The following ZFAND3 variants were observed in gnomAD, a reference collection of about 807,000 sequenced individuals.
The protein encoded by ZFAND3 is zinc finger AN1-type containing 3.
A neutral mutation model predicts 29.6 loss-of-function variants in ZFAND3; 10 were observed. That is an observed-to-expected ratio of 0.34 (90% CI 0.21 to 0.57). The LOEUF is 0.57. Among genes scored for constraint, ZFAND3 ranks in the 20% least tolerant of loss-of-function variants. The pLI, the probability that ZFAND3 is intolerant of heterozygous loss-of-function variation, is 0.86. For missense variants in ZFAND3, 230 were observed against 304.5 expected, an observed-to-expected ratio of 0.76 and a Z score of 1.82; for synonymous variants, 128 against 112.6, an observed-to-expected ratio of 1.14 and a Z score of -0.87.
intron 1 of ZFAND3, among the ~76,000 whole-genome samples, chr6:37,914,214 A>T (rs148400530): frequency 6.6e-6 from 1 of 151,538 alleles, no homozygotes; most frequent in Admixed American, 6.6e-5. Flanking sequence ...TTTGAAAGGA[A>T]TTTTTTTTTC....
chr6:37,955,773 C>G (rs1361420899), intron 2 of ZFAND3, among the ~76,000 whole-genome samples: 1 of 152,112 alleles, frequency 6.6e-6, no homozygotes, highest in Non-Finnish European at 1.5e-5. Context: ...GGGCAAATCA[C>G]CAGTATAAAG....
intron 5 of ZFAND3, chr6:38,142,402 G>A: frequency 8.5e-6 from 4 of 468,856 alleles, no homozygotes; most frequent in South Asian, 6.2e-5. Context: ...CAGCTCCCTG[G>A]TGAGCCATGT....
At chr6:38,006,202 G>C (rs1190201601) in intron 2 of ZFAND3, among the ~76,000 whole-genome samples, 1 of 152,090 alleles carries the variant, frequency 6.6e-6, no homozygotes, top group African/African-American at 2.4e-5. Flanking sequence ...CTTTTTTGTG[G>C]GGAAGGAGTT....
intron 2 of ZFAND3, among the ~76,000 whole-genome samples, chr6:38,007,405 G>T (rs71569402): frequency 3.5e-4 from 53 of 151,946 alleles, no homozygotes; most frequent in African/African-American, 1.2e-3. Context: ...AATTTGTCCG[G>T]CATGATGGTA....
intron 2 of ZFAND3, among the ~76,000 whole-genome samples, chr6:37,966,553 C>G (rs1274710534): frequency 2.0e-5 from 3 of 151,874 alleles, no homozygotes; most frequent in South Asian, 2.1e-4. Flanking sequence ...GCCAGACTTA[C>G]AGTTGAATTT....
intron 2 of ZFAND3, among the ~76,000 whole-genome samples, chr6:38,013,002 GATTTT>G (rs1210365085): frequency 6.6e-6 from 1 of 152,124 alleles, no homozygotes; most frequent in Admixed American, 6.5e-5. Flanking sequence ...GATTATGGAT[GATTTT>G]ATTTTCATAA....
At chr6:37,900,565 C>A (rs1389855580) in intron 1 of ZFAND3, among the ~76,000 whole-genome samples, 2 of 151,736 alleles carry the variant, frequency 1.3e-5, no homozygotes, top group African/African-American at 4.8e-5. Context: ...GATTTTTTTC[C>A]CCTCTTTTTG....
chr6:37,899,053 G>A (rs951168358), intron 1 of ZFAND3, among the ~76,000 whole-genome samples: 2 of 151,920 alleles, frequency 1.3e-5, no homozygotes, highest in African/African-American at 4.8e-5. Flanking sequence ...CCGCCACCAC[G>A]CCTGGCTAAT....
chr6:38,141,102 C>G (rs753809701), intron 5 of ZFAND3, among the ~76,000 whole-genome samples: 8 of 151,792 alleles, frequency 5.3e-5, no homozygotes, highest in Non-Finnish European at 1.2e-4. Context: ...CTAAGCTCCT[C>G]GGAATGACCT....
In ZFAND3 at chr6:37,908,407, G is replaced by C. The variant is rs1225032187; in HGVS notation, c.72-21552G>C. ...GAACATAATGTCAAGTTCTCCCCTTGTGTAGAAAAGTTTGATCACATGTGC... is the reference window on the plus strand; with the variant it reads ...GAACATAATGTCAAGTTCTCCCCTTCTGTAGAAAAGTTTGATCACATGTGC... On this transcript the variant is annotated intron_variant, in intron 1 of 5. Transcript: ENST00000287218. Among the ~76,000 whole-genome samples, 5 of 152,050 alleles carry C rather than the reference G, an allele frequency of 3.3e-5. No individual in the cohort carries two copies. In the South Asian group the frequency reaches 8.3e-4, roughly 25 times the overall value.
chr6:38,011,209 A>G (rs1468057965), intron 2 of ZFAND3, among the ~76,000 whole-genome samples: 1 of 151,924 alleles, frequency 6.6e-6, no homozygotes, highest in East Asian at 1.9e-4. Flanking sequence ...GAGCTGATGG[A>G]TATTTGGGTT....
At chr6:38,063,685 C>T (rs985806952) in intron 3 of ZFAND3, among the ~76,000 whole-genome samples, 1 of 152,072 alleles carries the variant, frequency 6.6e-6, no homozygotes, top group Non-Finnish European at 1.5e-5. Context: ...GTCTTAGGGC[C>T]ATTTGTGGAA....
intron 1 of ZFAND3, among the ~76,000 whole-genome samples, chr6:37,877,998 T>A (rs1295216004): frequency 6.6e-6 from 1 of 152,192 alleles, no homozygotes; most frequent in East Asian, 1.9e-4. Flanking sequence ...ACAACAGCTG[T>A]ATCAGTCCAG....
intron 2 of ZFAND3, among the ~76,000 whole-genome samples, chr6:38,038,212 A>C (rs1174043913): frequency 6.6e-6 from 1 of 152,120 alleles, no homozygotes; most frequent in African/African-American, 2.4e-5. Flanking sequence ...AATACCCTAA[A>C]AGTAGAAGTA....
intron 4 of ZFAND3, among the ~76,000 whole-genome samples, chr6:38,096,255 C>G (rs1168176400): frequency 2.6e-5 from 4 of 151,884 alleles, no homozygotes; most frequent in African/African-American, 9.7e-5. Flanking sequence ...TCACTGCAAC[C>G]TCCGCCTCTC....
chr6:37,938,718 T>C (rs1761749063), intron 2 of ZFAND3, among the ~76,000 whole-genome samples: 1 of 152,210 alleles, frequency 6.6e-6, no homozygotes, highest in African/African-American at 2.4e-5. Context: ...ATTGTGTGGT[T>C]AATTATTATG....
In ZFAND3 at chr6:38,084,213, A is replaced by T. The variant is rs1374086331; in HGVS notation, c.361+1756A>T. On this transcript the variant is annotated intron_variant, in intron 4 of 5. Coordinates refer to ENST00000287218, the MANE Select transcript of ZFAND3 (RefSeq NM_021943.3). Reference sequence around the variant, plus strand: ...GTGGAAAAGCAGACTGTTGAATGAAATATGGAAAAAATGAAACATATATTT... The same window carrying T: ...GTGGAAAAGCAGACTGTTGAATGAATTATGGAAAAAATGAAACATATATTT... Among the ~76,000 whole-genome samples, 3 of 152,350 alleles carry T rather than the reference A, an allele frequency of 2.0e-5. No individual in the cohort carries two copies. The East Asian group carries it at 5.8e-4, about 29-fold the overall frequency.
At chr6:37,879,426 A>T (rs1057108734) in intron 1 of ZFAND3, among the ~76,000 whole-genome samples, 1 of 151,710 alleles carries the variant, frequency 6.6e-6, no homozygotes, top group African/African-American at 2.4e-5. Context: ...ATTGCATGGA[A>T]CCATCTTTAT....
intron 1 of ZFAND3, among the ~76,000 whole-genome samples, chr6:37,886,223 G>T (rs1764986644): frequency 9.3e-6 from 1 of 106,996 alleles, no homozygotes; most frequent in African/African-American, 3.8e-5. Flanking sequence ...AGGCTACAGA[G>T]CGAGACTCTG....
Sources: allele counts gnomAD v4.1 joint callset (sites outside exome capture counted in the v4.1 genomes callset), GRCh38; gene constraint gnomAD v4.1.1; transcripts MANE v1.5; gene names NCBI Gene and HGNC (gene_info 2026-07-23, HGNC 2026-07-21).